Variants in PSME4 observed in about 807,000 individuals in gnomAD.
PSME4 encodes the protein proteasome activator subunit 4.
PSME4 carries 89 observed loss-of-function variants against 253.9 expected under a neutral mutation model. The observed-to-expected ratio is 0.35, with a 90% CI of 0.30 to 0.42. The LOEUF is 0.42. PSME4 is among the 10% of genes least tolerant of loss of function. The probability of loss-of-function intolerance (pLI) is 1.00; values close to 1 mark genes in which losing one functional copy is unlikely to be tolerated. For synonymous variants in PSME4, 851 were observed against 759.2 expected, an observed-to-expected ratio of 1.12 and a Z score of -1.99; for missense variants, 2,014 against 2,195.2, an observed-to-expected ratio of 0.92 and a Z score of 1.65.
At chr2:53,880,357 G>T (rs1321227108) in intron 41 of PSME4, among the ~76,000 whole-genome samples, 1 of 152,086 alleles carries the variant, frequency 6.6e-6, no homozygotes, top group African/African-American at 2.4e-5. Context: ...CTACACAAGA[G>T]ACTGAGGTGG....
In PSME4 at chr2:53,897,347, C is replaced by T. The variant is rs1302365335; in HGVS notation, c.3607-462G>A. Among the ~76,000 whole-genome samples the T allele has an allele frequency of 2.0e-5, 3 of 151,890 alleles. No homozygotes were observed. The East Asian group carries it at 5.8e-4, about 29-fold the overall frequency. ...ACCATGCCCAGCTAATTTTGTACTT[C>T]TAGTAGAGACAGGGTTTCTCCATGT... On this transcript the variant is annotated intron_variant, in intron 31 of 46. Coordinates refer to ENST00000404125, the MANE Select transcript of PSME4 (RefSeq NM_014614.3).
chr2:53,871,523 G>T (rs1678875688), intron 43 of PSME4, among the ~76,000 whole-genome samples: 1 of 151,816 alleles, frequency 6.6e-6, no homozygotes, highest in Admixed American at 6.6e-5. Flanking sequence ...CAAAGTGCTG[G>T]GATTACAGGC....
intron 21 of PSME4, among the ~76,000 whole-genome samples, chr2:53,909,566 T>C (rs1667731303): frequency 6.6e-6 from 1 of 152,210 alleles, no homozygotes; most frequent in South Asian, 2.1e-4. Context: ...CTTTATACAA[T>C]AATTTTCCAG....
At position 53,948,455 on chromosome 2, in the gene PSME4, T is replaced by C; in HGVS notation, c.466A>G (p.Lys156Glu). Residue 156 changes from lysine (K) to glutamate (E), a missense_variant, in exon 3 of 47, where the codon AAG becomes GAG. By Grantham distance (56) the Lys-to-Glu change is moderately conservative (BLOSUM62 1). Coordinates refer to ENST00000404125, the MANE Select transcript of PSME4 (RefSeq NM_014614.3). ...YDMVERILYS[K>E]TEHLGLNWFP... is the part of the protein sequence containing the mutation. Reference sequence around the variant, plus strand: ...CAATTTAATCCTAGGTGCTCTGTCTTGGAATATAATATTCTTTCTACCATG... The same window carrying C: ...CAATTTAATCCTAGGTGCTCTGTCTCGGAATATAATATTCTTTCTACCATG... 6.2e-7 allele frequency: 1 copy of C among 1,612,898 alleles called. No homozygotes were observed. The highest frequency in any genetic ancestry group is 8.5e-7 in the Non-Finnish European group (1 of 1,178,918).
rs7563334 is a variant in PSME4 at position 53,893,964 on chromosome 2, C to T, written c.3913-165G>A. ...CTACAGTGATTTCTAAAACCAAGTA[C>T]CTCCCTCTAAAAATGCTAAAACAGG... On this transcript the variant is annotated intron_variant, in intron 34 of 46. Transcript: ENST00000404125. 2.6e-3 allele frequency among the ~76,000 whole-genome samples: 403 copies of T among 152,270 alleles called. 3 individuals carry two copies. The highest frequency in any genetic ancestry group is 9.0e-3 in the African/African-American group (376 of 41,560).
intron 1 of PSME4, among the ~76,000 whole-genome samples, chr2:53,961,816 G>A (rs931924759): frequency 9.9e-5 from 15 of 152,154 alleles, no homozygotes; most frequent in African/African-American, 3.6e-4. Context: ...CAGCAGTTTT[G>A]CCAGGAGAGT....
chr2:53,893,887 T>C (rs559494749), intron 34 of PSME4, 88 bp from the exon 35 acceptor site: 29 of 1,443,788 alleles, frequency 2.0e-5, no homozygotes, highest in Middle Eastern at 5.2e-4. Context: ...AAGATTTTGA[T>C]AGTCAAAAGC....
rs755992661 is a variant in PSME4 at position 53,901,574 on chromosome 2, A to G, written c.3076-15T>C. On this transcript the variant is annotated splice_polypyrimidine_tract_variant and intron_variant, in intron 27 of 46. Coordinates refer to ENST00000404125, the MANE Select transcript of PSME4 (RefSeq NM_014614.3). ...TACAAGGCACCCTGCAGAAAAAAAA[A>G]TATATATATGTTTACATGGGAAATA... The G allele has an allele frequency of 3.9e-5, 62 of 1,584,706 alleles. 1 individual carries two copies. The East Asian group carries it at 4.5e-4, about 11-fold the overall frequency.
intron 26 of PSME4, 84 bp from the exon 27 acceptor site, chr2:53,904,240 G>T: frequency 2.3e-6 from 3 of 1,307,334 alleles, no homozygotes; most frequent in South Asian, 1.6e-5. Context: ...AAACAGTAAT[G>T]ATAATTTACA....
chr2:53,911,594 C>G (rs1392328440), intron 20 of PSME4, among the ~76,000 whole-genome samples: 1 of 152,010 alleles, frequency 6.6e-6, no homozygotes, highest in Non-Finnish European at 1.5e-5. Context: ...CACCCTCCCC[C>G]CGCCCACTGT....
At chr2:53,917,095 T>G (rs559636248) in intron 20 of PSME4, among the ~76,000 whole-genome samples, 16 of 150,994 alleles carry the variant, frequency 1.1e-4, no homozygotes, top group South Asian at 4.1e-4. Context: ...AATCTATATA[T>G]GTTTAAATAA....
intron 41 of PSME4, among the ~76,000 whole-genome samples, chr2:53,878,007 G>T (rs1679214015): frequency 6.6e-6 from 1 of 152,154 alleles, no homozygotes; most frequent in African/African-American, 2.4e-5. Context: ...CTGTAAAAGT[G>T]AGTCTCTGAG....
chr2:53,956,472 G>C (rs1252846701), intron 1 of PSME4, among the ~76,000 whole-genome samples: 3 of 151,992 alleles, frequency 2.0e-5, no homozygotes, highest in Admixed American at 6.5e-5. Flanking sequence ...GGAGGTTGTA[G>C]TGAGCCGAGA....
At chr2:53,923,934 A>T (rs1215652645) in intron 14 of PSME4, among the ~76,000 whole-genome samples, 1 of 121,884 alleles carries the variant, frequency 8.2e-6, no homozygotes, top group Non-Finnish European at 1.8e-5. Context: ...AAAAAAAAAA[A>T]AAAAAAAAAA....
intron 41 of PSME4, among the ~76,000 whole-genome samples, chr2:53,879,156 C>T (rs1679266001): frequency 6.7e-6 from 1 of 149,460 alleles, no homozygotes; most frequent in Non-Finnish European, 1.5e-5. Context: ...TCCCCCAATA[C>T]TGGCAATGTA....
chr2:53,899,049 T>C (rs751015657), intron 29 of PSME4, among the ~76,000 whole-genome samples: 1 of 151,766 alleles, frequency 6.6e-6, no homozygotes, highest in Non-Finnish European at 1.5e-5. Context: ...AAAAAAAAGA[T>C]AGGACAGTGA....
chr2:53,948,429 C>A lies in PSME4; in HGVS notation c.492G>T (p.Trp164Cys). Residue 164 changes from tryptophan to cysteine, a missense_variant, in exon 3 of 47, where the codon TGG (tryptophan) becomes TGT (cysteine). Transcript: ENST00000404125. ...YSKTEHLGLN[W>C]FPNSVENILK... is the part of the protein sequence containing the mutation. ...TAAATGGAAATACTTACTTAGGAAA[C>A]CAATTTAATCCTAGGTGCTCTGTCT... 7 of 1,604,590 alleles carry A rather than the reference C, an allele frequency of 4.4e-6. No individual in the cohort carries two copies. Among genetic ancestry groups the A allele is most frequent in the Non-Finnish European group, 6.0e-6 (7 of 1,171,890 alleles).
intron 39 of PSME4, 31 bp from the exon 40 acceptor site, chr2:53,887,498 A>C (rs2104423348): frequency 6.5e-7 from 1 of 1,549,908 alleles, no homozygotes; most frequent in South Asian, 1.1e-5. Context: ...TAATAGGAAG[A>C]GGTGCCACAT....
intron 29 of PSME4, 46 bp downstream of exon 29, chr2:53,899,835 T>C: frequency 6.3e-7 from 1 of 1,593,974 alleles, no homozygotes; most frequent in Non-Finnish European, 8.5e-7. Context: ...AGCCAAAACT[T>C]ACTATCTATA....
Sources: gnomAD v4.1 joint callset for allele counts (sites outside exome capture counted in the v4.1 genomes callset) on GRCh38, gnomAD v4.1.1 for gene constraint, MANE v1.5 for transcripts, NCBI Gene and HGNC (gene_info 2026-07-23, HGNC 2026-07-21) for gene names.